The following C16orf87 variants were observed in gnomAD, a reference collection of about 807,000 sequenced individuals.
C16orf87 encodes UPF0547 protein C16orf87.
In C16orf87, 13 loss-of-function variants were observed where a neutral mutation model predicts 21.0. The observed-to-expected ratio is 0.62, with a 90% CI of 0.40 to 0.98. C16orf87 has a LOEUF of 0.98. C16orf87 is among the 50% of genes least tolerant of loss of function. The pLI is 0.00. For synonymous variants in C16orf87, 49 were observed against 60.2 expected, an observed-to-expected ratio of 0.81 and a Z score of 0.86; for missense variants, 113 against 180.4, an observed-to-expected ratio of 0.63 and a Z score of 2.14.
chr16:46,831,064 G>T lies in C16orf87; in HGVS notation c.66+20C>A. ...CCAAGCCACTGCCGCCCGCCCGCGC[G>T]CCCGGCCCCCGGCACCCACCTGTTG... On this transcript the variant is annotated intron_variant, in intron 1 of 3. Transcript: ENST00000285697. 1 of 1,556,226 alleles carries T rather than the reference G, an allele frequency of 6.4e-7. No homozygotes were observed. The highest frequency in any genetic ancestry group is 8.7e-7 in the Non-Finnish European group (1 of 1,148,256).
At position 46,830,298 on chromosome 16, in the gene C16orf87, G is replaced by GAT. The variant is rs1567320148; in HGVS notation, c.66+785_66+786insAT. Among the ~76,000 whole-genome samples, 3 of 147,634 alleles carry GAT rather than the reference G, an allele frequency of 2.0e-5. No homozygotes were observed. The Admixed American group carries it at 2.0e-4, about 10-fold the overall frequency. ...AGAGAGAGAGAGAGAGAGAGAGAGA[G>GAT]AGAGAGAGAGACACACAGAGACATT... On this transcript the variant is annotated intron_variant, in intron 1 of 3. Coordinates refer to ENST00000285697, the MANE Select transcript of C16orf87 (RefSeq NM_001001436.4).
intron 2 of C16orf87, among the ~76,000 whole-genome samples, chr16:46,820,190 T>C (rs945536146): frequency 4.6e-5 from 7 of 152,212 alleles, no homozygotes; most frequent in African/African-American, 1.7e-4. Context: ...GATTCTTTTC[T>C]TCCTGCACAT....
Position 46,831,128 on chromosome 16 carries a change from TC to T in C16orf87, c.21del (p.Val9Ter), listed in dbSNP as rs894451689. On this transcript the variant is annotated frameshift_variant, in exon 1 of 4. Transcript: ENST00000285697. LOFTEE classifies it high-confidence loss of function. The stretch of plus-strand genomic sequence containing the variant: ...CATGATTTGGTGGCCATCTTCACTT[TC>T]TTGGCTCGAGTTGCAGACATGCTCC... MSATRA[K>X]KVKMATKSCP... 1 of 1,579,042 alleles carries T rather than the reference TC, an allele frequency of 6.3e-7. No homozygotes were observed. The highest frequency in any genetic ancestry group is 8.6e-7 in the Non-Finnish European group (1 of 1,161,148).
chr16:46,813,478 TAAA>T (rs35686982), intron 2 of C16orf87, among the ~76,000 whole-genome samples: 2 of 137,450 alleles, frequency 1.5e-5, no homozygotes, highest in Admixed American at 7.3e-5. Flanking sequence ...AATATTATCT[TAAA>T]AAAAAAAAAA....
chr16:46,817,829 G>A lies in C16orf87; in HGVS notation c.163+6557C>T, dbSNP rs190477754. ...AGAACTCTATGAAAAGTGTTTTAAA[G>A]ATGAATATAGATATCATAGACTATA... On this transcript the variant is annotated intron_variant, in intron 2 of 3. Coordinates refer to ENST00000285697, the MANE Select transcript of C16orf87 (RefSeq NM_001001436.4). Among the ~76,000 whole-genome samples, 4 of 138,804 alleles carry A rather than the reference G, an allele frequency of 2.9e-5. No individual in the cohort carries two copies. In the Admixed American group the frequency reaches 3.2e-4, roughly 11 times the overall value. The allele number at this position is 138,804 out of a possible 152,430, so 91.1% of individuals were successfully genotyped here.
rs1967734154 is a variant in C16orf87, at chr16:46,800,285, A to G, written c.*2667T>C. 1 of 152,098 alleles carries G rather than the reference A, an allele frequency of 6.6e-6. No homozygotes were observed. Among genetic ancestry groups the G allele is most frequent in the Admixed American group, 6.5e-5 (1 of 15,276 alleles). 9.4% of individuals were successfully genotyped at this position (152,098 alleles called of 1,614,324 possible). A position where few individuals can be genotyped will look rare whatever the true frequency, so the allele number is the denominator to read the frequency against. ...AATTTTCTCATCATAAACTGCTTCA[A>G]GCTGTTTGATCACTTCCACTGATTA... is the stretch of plus-strand genomic sequence containing the variant. On this transcript the variant is annotated 3_prime_UTR_variant, in exon 4 of 4. Coordinates refer to ENST00000285697, the MANE Select transcript of C16orf87 (RefSeq NM_001001436.4).
intron 2 of C16orf87, among the ~76,000 whole-genome samples, chr16:46,820,044 G>A (rs553349763): frequency 3.3e-5 from 5 of 152,074 alleles, no homozygotes; most frequent in African/African-American, 1.2e-4. Context: ...TTTCAGCTAC[G>A]CTAAGTTCTA....
chr16:46,831,069 G>A lies in C16orf87; in HGVS notation c.66+15C>T. ...CCACTGCCGCCCGCCCGCGCGCCCG[G>A]CCCCCGGCACCCACCTGTTGGTCGC... On this transcript the variant is annotated intron_variant, in intron 1 of 3. Coordinates refer to ENST00000285697, the MANE Select transcript of C16orf87 (RefSeq NM_001001436.4). 6.4e-7 allele frequency: 1 copy of A among 1,552,128 alleles called. No homozygotes were observed. Among genetic ancestry groups the A allele is most frequent in the Non-Finnish European group, 8.7e-7 (1 of 1,146,590 alleles).
At chr16:46,817,916 C>CAA (rs1056745014) in intron 2 of C16orf87, among the ~76,000 whole-genome samples, 13,551 of 68,070 alleles carry the variant, frequency 0.2, 701 homozygotes, top group East Asian at 0.24. Context: ...CATCAAAAAG[C>CAA]AAAAAAAAAA....
rs1042590034 is a variant in C16orf87 at position 46,801,092 on chromosome 16, T to G, written c.*1860A>C. The stretch of plus-strand genomic sequence containing the variant: ...CTTGCTTTTTCTGAGGACATATATA[T>G]GTATACAAGCATTTTTAGATATTAA... On this transcript the variant is annotated 3_prime_UTR_variant, in exon 4 of 4. Transcript: ENST00000285697. 6.6e-6 allele frequency: 1 copy of G among 152,248 alleles called. No homozygotes were observed. Among genetic ancestry groups the G allele is most frequent in the Non-Finnish European group, 1.5e-5 (1 of 68,046 alleles). The allele number at this position is 152,248 out of a possible 1,614,324, so 9.4% of individuals were successfully genotyped here.
intron 2 of C16orf87, among the ~76,000 whole-genome samples, chr16:46,814,227 C>T (rs1405597107): frequency 6.6e-6 from 1 of 152,158 alleles, no homozygotes; most frequent in Non-Finnish European, 1.5e-5. Flanking sequence ...TGCTATAGAA[C>T]GGAGAGCTGT....
At chr16:46,827,764 G>A (rs1310594884) in intron 1 of C16orf87, among the ~76,000 whole-genome samples, 2 of 151,692 alleles carry the variant, frequency 1.3e-5, no homozygotes, top group East Asian at 3.9e-4. Flanking sequence ...TGTATTTTTA[G>A]TAGAGATGGG....
At chr16:46,830,256 G>A (rs1009083463) in intron 1 of C16orf87, among the ~76,000 whole-genome samples, 1 of 133,996 alleles carries the variant, frequency 7.5e-6, no homozygotes, top group African/African-American at 2.8e-5. Context: ...TAGAGAGATA[G>A]AGAGAGACAG....
chr16:46,807,430 A>G (rs1008439735), intron 3 of C16orf87, among the ~76,000 whole-genome samples: 1 of 152,132 alleles, frequency 6.6e-6, no homozygotes, highest in South Asian at 2.1e-4. Flanking sequence ...AGGAAAAAAA[A>G]AAAAGCAAGG....
At chr16:46,813,389 A>G (rs1271063746) in intron 2 of C16orf87, among the ~76,000 whole-genome samples, 1 of 151,854 alleles carries the variant, frequency 6.6e-6, no homozygotes, top group African/African-American at 2.4e-5. Context: ...ACTCCTTGCA[A>G]AATATACCCA....
At chr16:46,808,589 A>G (rs1967992900) in intron 3 of C16orf87, among the ~76,000 whole-genome samples, 1 of 152,222 alleles carries the variant, frequency 6.6e-6, no homozygotes, top group East Asian at 1.9e-4. Flanking sequence ...TTTTTAAAGA[A>G]CAATAAAGAG....
chr16:46,819,511 T>C (rs1357329140), intron 2 of C16orf87, among the ~76,000 whole-genome samples: 3 of 151,320 alleles, frequency 2.0e-5, no homozygotes, highest in Non-Finnish European at 4.4e-5. Context: ...GATTTCACCA[T>C]GTTGGCCAGG....
chr16:46,809,904 A>G (rs1264124713), intron 2 of C16orf87, 119 bp from the exon 3 acceptor site: 3 of 615,934 alleles, frequency 4.9e-6, no homozygotes, highest in Non-Finnish European at 5.7e-6. Flanking sequence ...GGCATATTTC[A>G]TAGAACTACA....
intron 2 of C16orf87, among the ~76,000 whole-genome samples, chr16:46,811,222 G>A (rs962212044): frequency 3.3e-5 from 5 of 152,122 alleles, no homozygotes; most frequent in African/African-American, 4.8e-5. Context: ...GAGAGAAGCA[G>A]GCCAGGCGCG....
Sources: allele counts gnomAD v4.1 joint callset (sites outside exome capture counted in the v4.1 genomes callset), GRCh38; gene constraint gnomAD v4.1.1; transcripts MANE v1.5; gene names NCBI Gene and HGNC (gene_info 2026-07-23, HGNC 2026-07-21).